The following CCNY variants were observed in gnomAD, a reference collection of about 807,000 sequenced individuals.
CCNY encodes cyclin-Y.
A neutral mutation model predicts 42.8 loss-of-function variants in CCNY; 19 were observed. The ratio of observed to expected loss-of-function variants is 0.44; its 90% CI spans 0.31 to 0.65. The LOEUF (loss-of-function observed/expected upper bound fraction) is 0.65. CCNY is among the 30% of genes least tolerant of loss of function. CCNY has a pLI of 0.07. For synonymous variants in CCNY, 165 were observed against 162.7 expected (o/e 1.01, Z -0.11); for missense variants, 370 against 437.3 (o/e 0.85, Z 1.37).
At chr10:35,515,548 G>A (rs915835299) in intron 3 of CCNY, among the ~76,000 whole-genome samples, 2 of 152,178 alleles carry the variant, frequency 1.3e-5, no homozygotes, top group African/African-American at 4.8e-5. Context: ...AGGGTGTGTT[G>A]CAGGCGGGCA....
At chr10:35,353,066 C>T (rs1369661562) in intron 1 of CCNY, among the ~76,000 whole-genome samples, 1 of 152,138 alleles carries the variant, frequency 6.6e-6, no homozygotes, top group East Asian at 1.9e-4. Flanking sequence ...GCTGGGACCA[C>T]AAGTGTGCAC....
At chr10:35,345,336 G>A (rs1836278082) in intron 1 of CCNY, among the ~76,000 whole-genome samples, 1 of 152,078 alleles carries the variant, frequency 6.6e-6, no homozygotes, top group Non-Finnish European at 1.5e-5. Context: ...GGGTGTGGTG[G>A]CGGGTGCCTG....
chr10:35,543,704 TTA>T (rs928460036), intron 7 of CCNY, among the ~76,000 whole-genome samples: 20 of 151,040 alleles, frequency 1.3e-4, no homozygotes, highest in African/African-American at 2.2e-4. Context: ...TCTACTTATT[TTA>T]AAAAAAAAAA....
In CCNY at chr10:35,555,983, C is replaced by G. The variant is rs868239015; in HGVS notation, c.746+2798C>G. Among the ~76,000 whole-genome samples the G allele has an allele frequency of 9.2e-5, 14 of 152,200 alleles. 2 individuals are homozygous for G. The South Asian group carries it at 2.9e-3, about 32-fold the overall frequency. On this transcript the variant is annotated intron_variant, in intron 8 of 9. Transcript: ENST00000374704. Reference sequence around the variant, plus strand: ...CTCATTAAGATTTTGAAAGAACCAGCACTATGGTTAGTAGAATAGTAGGAT... The same window carrying G: ...CTCATTAAGATTTTGAAAGAACCAGGACTATGGTTAGTAGAATAGTAGGAT...
At chr10:35,565,538 A>G (rs891725395) in intron 8 of CCNY, among the ~76,000 whole-genome samples, 5 of 152,046 alleles carry the variant, frequency 3.3e-5, no homozygotes, top group Non-Finnish European at 5.9e-5. Flanking sequence ...CCTTTTGCCT[A>G]AGAAAGCCCC....
intron 8 of CCNY, among the ~76,000 whole-genome samples, chr10:35,556,269 C>G (rs1298049445): frequency 1.3e-5 from 2 of 152,142 alleles, no homozygotes; most frequent in African/African-American, 4.8e-5. Flanking sequence ...TGGAGTGCCA[C>G]CTTTTTCCAC....
chr10:35,501,992 T>A (rs1840119908), intron 3 of CCNY, among the ~76,000 whole-genome samples: 1 of 152,230 alleles, frequency 6.6e-6, no homozygotes, highest in Non-Finnish European at 1.5e-5. Context: ...AGTCTGCGTG[T>A]TCTTCTGATG....
chr10:35,259,033 CA>C lies in CCNY; in HGVS notation c.-9+8411del, dbSNP rs2095717519. Among the ~76,000 whole-genome samples the C allele has an allele frequency of 2.0e-5, 3 of 151,852 alleles. No individual in the cohort carries two copies. In the South Asian group the frequency reaches 6.2e-4, roughly 32 times the overall value. The stretch of plus-strand genomic sequence containing the variant: ...TACCGCACCAAGAGCTGAAATTGAC[CA>C]AAATTAACCACAATTTACCATCTAA... On this transcript the variant is annotated intron_variant, in intron 3 of 11. Transcript: ENST00000374706.
At chr10:35,253,414 A>AATTTTTTTTTTTTTTTTTT (rs775450185) in intron 3 of CCNY, among the ~76,000 whole-genome samples, 2 of 89,036 alleles carry the variant, frequency 2.2e-5, no homozygotes, top group African/African-American at 4.7e-5. Context: ...CATGCTCACT[A>AATTTTTTTTTTTTTTTTTT]TTTTTTTTTT....
At chr10:35,403,670 G>A (rs1837694444) in intron 1 of CCNY, among the ~76,000 whole-genome samples, 1 of 152,202 alleles carries the variant, frequency 6.6e-6, no homozygotes, top group African/African-American at 2.4e-5. Context: ...GCATGGTGAT[G>A]CAGGATATGG....
intron 3 of CCNY, among the ~76,000 whole-genome samples, chr10:35,328,071 T>C (rs1835899728): frequency 6.6e-6 from 1 of 152,218 alleles, no homozygotes; most frequent in African/African-American, 2.4e-5. Context: ...GATGTGTGAA[T>C]ATTCCAAATA....
chr10:35,502,432 A>G (rs1840129436), intron 3 of CCNY, among the ~76,000 whole-genome samples: 1 of 152,192 alleles, frequency 6.6e-6, no homozygotes, highest in African/African-American at 2.4e-5. Context: ...TATTAAAGAG[A>G]CTTAAAGCCA....
intron 1 of CCNY, among the ~76,000 whole-genome samples, chr10:35,377,538 C>T (rs980186905): frequency 7.9e-5 from 12 of 152,096 alleles, no homozygotes; most frequent in Non-Finnish European, 1.5e-4. Flanking sequence ...ATGACGTTTG[C>T]ACAGCAACAA....
intron 3 of CCNY, among the ~76,000 whole-genome samples, chr10:35,260,368 C>A (rs2135031044): frequency 6.6e-6 from 1 of 152,262 alleles, no homozygotes; most frequent in Admixed American, 6.5e-5. Context: ...CACTATTGCA[C>A]CCATCCTGCC....
intron 3 of CCNY, among the ~76,000 whole-genome samples, chr10:35,254,830 C>CA (rs748535872): frequency 0.075 from 2,699 of 35,792 alleles, 62 homozygotes; most frequent in Non-Finnish European, 0.096. Flanking sequence ...GACCCTGTCT[C>CA]AAAAAAAAAA....
intron 1 of CCNY, 121 bp from the exon 2 acceptor site, chr10:35,483,283 A>G (rs953903305): frequency 8.9e-6 from 6 of 677,766 alleles, no homozygotes; most frequent in Admixed American, 5.8e-5. Context: ...CATAATAGCT[A>G]TAGGTTTCCA....
intron 2 of CCNY, among the ~76,000 whole-genome samples, chr10:35,486,110 G>A (rs1329158278): frequency 6.6e-6 from 1 of 152,148 alleles, no homozygotes; most frequent in Non-Finnish European, 1.5e-5. Flanking sequence ...CAGAACTTAA[G>A]AATTCCAGTT....
intron 3 of CCNY, among the ~76,000 whole-genome samples, chr10:35,254,801 A>G (rs1206314041): frequency 1.4e-5 from 2 of 147,534 alleles, no homozygotes; most frequent in South Asian, 2.2e-4. Flanking sequence ...ACTGCACTCC[A>G]GTCTGGGGGA....
Position 35,304,775 on chromosome 10 carries a change from G to T in CCNY, c.-9+54149G>T, listed in dbSNP as rs139820585. Among the ~76,000 whole-genome samples, 431 of 152,272 alleles carry T rather than the reference G, an allele frequency of 2.8e-3. 2 individuals carry two copies. The highest frequency in any genetic ancestry group is 9.0e-3 in the African/African-American group (372 of 41,558). ...AGCCTCTACCCACTACATGCCAGTGGCATCCCCTAGTTGCAACAACCAAAA... is the reference window on the plus strand; with the variant it reads ...AGCCTCTACCCACTACATGCCAGTGTCATCCCCTAGTTGCAACAACCAAAA... On this transcript the variant is annotated intron_variant, in intron 3 of 11. Transcript: ENST00000374706.
Sources: allele counts gnomAD v4.1 joint callset (sites outside exome capture counted in the v4.1 genomes callset), GRCh38; gene constraint gnomAD v4.1.1; transcripts MANE v1.5; gene names NCBI Gene and HGNC (gene_info 2026-07-23, HGNC 2026-07-21).